TNPO3: variants seen among roughly 807,000 people sequenced by gnomAD.
TNPO3 encodes the protein transportin 3.
TNPO3 carries 65 observed loss-of-function variants against 122.8 expected under a neutral mutation model. That is an observed-to-expected ratio of 0.53 (90% CI 0.43 to 0.65). The LOEUF is 0.65. Among genes scored for constraint, TNPO3 ranks in the 30% least tolerant of loss-of-function variants. The pLI is 0.00. For synonymous variants in TNPO3, 372 were observed against 411.2 expected (o/e 0.90, Z 1.15); for missense variants, 850 against 1,136.7 (o/e 0.75, Z 3.63).
At chr7:128,999,302 G>C (rs981777400) in intron 7 of TNPO3, among the ~76,000 whole-genome samples, 1 of 152,194 alleles carries the variant, frequency 6.6e-6, no homozygotes, top group South Asian at 2.1e-4. Context: ...TTGAGTGTGA[G>C]AGAAAGGGAG....
chr7:129,022,903 C>A (rs1243054747), intron 1 of TNPO3, among the ~76,000 whole-genome samples: 2 of 152,106 alleles, frequency 1.3e-5, no homozygotes, highest in African/African-American at 4.8e-5. Flanking sequence ...AAGGCATCAA[C>A]ATAAGGACTG....
chr7:128,980,541 T>C (rs144498207), intron 14 of TNPO3, among the ~76,000 whole-genome samples: 4 of 152,254 alleles, frequency 2.6e-5, no homozygotes, highest in Non-Finnish European at 4.4e-5. Context: ...CCCAGCTACT[T>C]GGGAGGCTGG....
At chr7:128,968,041 T>C (rs1487713121) in intron 20 of TNPO3, among the ~76,000 whole-genome samples, 2 of 152,138 alleles carry the variant, frequency 1.3e-5, no homozygotes, top group African/African-American at 4.8e-5. Flanking sequence ...ACTTGACCAG[T>C]ATATTTTTAA....
At chr7:128,992,452 A>G (rs1016562673) in intron 9 of TNPO3, among the ~76,000 whole-genome samples, 2 of 152,178 alleles carry the variant, frequency 1.3e-5, no homozygotes, top group South Asian at 4.1e-4. Context: ...AATCCTCTAT[A>G]TATGTATTGG....
intron 21 of TNPO3, among the ~76,000 whole-genome samples, chr7:128,962,941 A>G (rs1195915699): frequency 2.6e-5 from 4 of 152,196 alleles, no homozygotes; most frequent in African/African-American, 9.7e-5. Context: ...TCTGTCATAT[A>G]TTAGTCCCAC....
intron 20 of TNPO3, among the ~76,000 whole-genome samples, chr7:128,969,790 C>T (rs1798278296): frequency 1.3e-5 from 2 of 152,138 alleles, no homozygotes; most frequent in South Asian, 4.1e-4. Flanking sequence ...TAGAATAAGT[C>T]TGAAAGGATT....
At chr7:128,993,574 T>C (rs758325097) in intron 9 of TNPO3, among the ~76,000 whole-genome samples, 47 of 152,250 alleles carry the variant, frequency 3.1e-4, no homozygotes, top group Non-Finnish European at 2.2e-4. Context: ...CAGCAATCAG[T>C]GCAAGCATAC....
At chr7:129,013,929 A>G (rs1803524271) in intron 4 of TNPO3, among the ~76,000 whole-genome samples, 1 of 152,176 alleles carries the variant, frequency 6.6e-6, no homozygotes, top group South Asian at 2.1e-4. Flanking sequence ...TGGATCTCAT[A>G]GAGGTAAAGA....
chr7:129,011,779 T>C (rs1803226961), intron 4 of TNPO3, among the ~76,000 whole-genome samples: 1 of 152,180 alleles, frequency 6.6e-6, no homozygotes. Flanking sequence ...AAAGTATAAC[T>C]TCATTTGGGC....
intron 1 of TNPO3, among the ~76,000 whole-genome samples, chr7:129,028,127 T>C (rs955400265): frequency 6.6e-6 from 1 of 152,088 alleles, no homozygotes; most frequent in Non-Finnish European, 1.5e-5. Context: ...TTCAGACAAA[T>C]GAAGATGTTT....
chr7:129,010,139 T>G (rs1038923980), intron 4 of TNPO3, among the ~76,000 whole-genome samples: 1 of 152,120 alleles, frequency 6.6e-6, no homozygotes, highest in Non-Finnish European at 1.5e-5. Flanking sequence ...ATAACAGAAA[T>G]AGTCAAATAT....
intron 10 of TNPO3, among the ~76,000 whole-genome samples, chr7:128,990,521 GATGA>G (rs1457080040): frequency 1.3e-5 from 2 of 152,192 alleles, no homozygotes; most frequent in African/African-American, 4.8e-5. Context: ...TGGCTAAACA[GATGA>G]ATGAATAATT....
At chr7:129,022,214 G>A (rs1477114649) in intron 1 of TNPO3, among the ~76,000 whole-genome samples, 1 of 151,996 alleles carries the variant, frequency 6.6e-6, no homozygotes, top group African/African-American at 2.4e-5. Context: ...GCAAGATTCT[G>A]TCTCTACAAA....
chr7:129,027,478 T>C (rs1805332474), intron 1 of TNPO3, among the ~76,000 whole-genome samples: 1 of 139,304 alleles, frequency 7.2e-6, no homozygotes, highest in Non-Finnish European at 1.5e-5. Flanking sequence ...GGAGAATCGC[T>C]TGAACCCGGG....
Position 128,967,363 on chromosome 7 carries a change from T to C in TNPO3, c.2628A>G (p.Leu876=). The C allele has an allele frequency of 1.9e-6, 3 of 1,613,894 alleles. No individual in the cohort carries two copies. Among genetic ancestry groups the C allele is most frequent in the Non-Finnish European group, 2.5e-6 (3 of 1,179,754 alleles). ...CGGTTGTTTCCTTTGGCAAACCTTT[T>C]AAGGAATTTTCTAACCATCGACAAA... ...PTFCRWLENS[L]KGLPKETTVG... is the part of the protein sequence containing the mutation. The change falls in exon 21 of 23, where the codon TTA becomes TTG. Residue 876 remains leucine, a synonymous_variant. Coordinates refer to ENST00000265388, the MANE Select transcript of TNPO3 (RefSeq NM_012470.4).
intron 12 of TNPO3, among the ~76,000 whole-genome samples, chr7:128,984,558 T>C (rs1799954831): frequency 6.6e-6 from 1 of 152,212 alleles, no homozygotes; most frequent in South Asian, 2.1e-4. Flanking sequence ...ATGTATACCA[T>C]AGTGTAATGT....
chr7:129,054,312 T>C (rs1361137186), intron 1 of TNPO3, among the ~76,000 whole-genome samples: 2 of 151,686 alleles, frequency 1.3e-5, no homozygotes, highest in Non-Finnish European at 2.9e-5. Flanking sequence ...AACACTGGGG[T>C]TGGATTTGGT....
At chr7:128,981,961 CT>C (rs1799669403) in intron 14 of TNPO3, among the ~76,000 whole-genome samples, 1 of 152,116 alleles carries the variant, frequency 6.6e-6, no homozygotes, top group African/African-American at 2.4e-5. Context: ...AACTCCTGAG[CT>C]CAAGCAATCT....
intron 22 of TNPO3, 66 bp downstream of exon 22, chr7:128,957,158 C>T: frequency 7.2e-7 from 1 of 1,381,626 alleles, no homozygotes; most frequent in Non-Finnish European, 1.0e-6. Flanking sequence ...TAAAACCTAT[C>T]CCCATTCCCA....
Sources: allele counts gnomAD v4.1 joint callset (sites outside exome capture counted in the v4.1 genomes callset), GRCh38; gene constraint gnomAD v4.1.1; transcripts MANE v1.5; gene names NCBI Gene and HGNC (gene_info 2026-07-23, HGNC 2026-07-21).